The following AKAP19 variants were observed in gnomAD, a reference collection of about 807,000 sequenced individuals.
AKAP19 encodes the protein A-kinase anchoring protein 19.
chr2:190,175,896 T>C, the AKAP19 span, among the ~76,000 whole-genome samples: 1 of 152,208 alleles, frequency 6.6e-6, no homozygotes, highest in African/African-American at 2.4e-5. Context: ...TGATTAGGCC[T>C]TTGGAGCTGT....
chr2:190,039,767 G>A, the AKAP19 span, among the ~76,000 whole-genome samples: 1 of 152,166 alleles, frequency 6.6e-6, no homozygotes, highest in African/African-American at 2.4e-5. Context: ...GTGAGAACAT[G>A]TGGTATTTGC....
chr2:190,070,614 T>TCCCC, the AKAP19 span, among the ~76,000 whole-genome samples: 13 of 119,060 alleles, frequency 1.1e-4, no homozygotes, highest in African/African-American at 3.7e-4. Flanking sequence ...TCCCTCTCTC[T>TCCCC]CCCCCCCCCC....
At chr2:190,040,579 G>A in the AKAP19 span, among the ~76,000 whole-genome samples, 2 of 152,068 alleles carry the variant, frequency 1.3e-5, no homozygotes, top group East Asian at 1.9e-4. Flanking sequence ...GAAAATCTTT[G>A]CCATGAAATC....
chr2:190,143,929 C>T, the AKAP19 span, among the ~76,000 whole-genome samples: 51 of 145,216 alleles, frequency 3.5e-4, no homozygotes, highest in African/African-American at 1.2e-3. Flanking sequence ...GAACAAAAAA[C>T]CAAACACCGC....
the AKAP19 span, among the ~76,000 whole-genome samples, chr2:190,108,208 T>A: frequency 3.3e-5 from 5 of 152,212 alleles, no homozygotes; most frequent in Non-Finnish European, 7.3e-5. Flanking sequence ...CAGGCTGGAG[T>A]GCAATGGTGC....
At chr2:190,038,941 T>C in the AKAP19 span, among the ~76,000 whole-genome samples, 4,720 of 143,792 alleles carry the variant, frequency 0.033, 378 homozygotes, top group African/African-American at 0.13. Context: ...CTTCTTCTTC[T>C]TCTTCTTCTT....
chr2:190,005,399 A>G, the AKAP19 span, among the ~76,000 whole-genome samples: 2 of 152,158 alleles, frequency 1.3e-5, no homozygotes, highest in African/African-American at 4.8e-5. Flanking sequence ...TCCTTTAGCT[A>G]GACACAGAGT....
At chr2:189,984,510 A>G in the AKAP19 span, among the ~76,000 whole-genome samples, 1 of 151,974 alleles carries the variant, frequency 6.6e-6, no homozygotes, top group Non-Finnish European at 1.5e-5. Flanking sequence ...CAGATTTCAT[A>G]ATGCACAAAC....
the AKAP19 span, among the ~76,000 whole-genome samples, chr2:189,942,003 G>A: frequency 9.2e-5 from 14 of 152,156 alleles, no homozygotes; most frequent in Non-Finnish European, 1.6e-4. Flanking sequence ...CCAAAAAAGA[G>A]CAGGGGGAGC....
chr2:190,145,270 G>A, the AKAP19 span, among the ~76,000 whole-genome samples: 1 of 152,188 alleles, frequency 6.6e-6, no homozygotes, highest in Admixed American at 6.5e-5. Flanking sequence ...TTGTTCCAGA[G>A]ATGTTTCCAA....
the AKAP19 span, among the ~76,000 whole-genome samples, chr2:189,900,451 C>G: frequency 4.6e-5 from 7 of 152,058 alleles, no homozygotes; most frequent in African/African-American, 1.7e-4. Flanking sequence ...CCAACACAAG[C>G]TATCTTTGCT....
At chr2:190,106,479 C>T in the AKAP19 span, among the ~76,000 whole-genome samples, 65 of 152,162 alleles carry the variant, frequency 4.3e-4, no homozygotes, top group African/African-American at 1.5e-3. Context: ...GTTCGTTTGC[C>T]CTATCCTACC....
the AKAP19 span, among the ~76,000 whole-genome samples, chr2:190,131,887 C>T: frequency 0.14 from 21,584 of 152,022 alleles, 1,740 homozygotes; most frequent in Middle Eastern, 0.19. Context: ...GAAAAACACT[C>T]GGGTTTTTCT....
chr2:190,018,199 T>C, the AKAP19 span, among the ~76,000 whole-genome samples: 2 of 152,190 alleles, frequency 1.3e-5, no homozygotes, highest in Non-Finnish European at 2.9e-5. Context: ...TTTCCCCAGA[T>C]ATAGGAAGTC....
the AKAP19 span, among the ~76,000 whole-genome samples, chr2:189,992,163 C>T: frequency 6.6e-6 from 1 of 151,148 alleles, no homozygotes; most frequent in Non-Finnish European, 1.5e-5. Context: ...TCAAGCAATT[C>T]TCCTGTCTCA....
At chr2:190,167,766 G>C in the AKAP19 span, among the ~76,000 whole-genome samples, 5 of 152,228 alleles carry the variant, frequency 3.3e-5, no homozygotes, top group Admixed American at 3.3e-4. Context: ...TCCAGGTCAT[G>C]CTAATGCAAG....
the AKAP19 span, among the ~76,000 whole-genome samples, chr2:189,901,999 T>A: frequency 6.6e-6 from 1 of 152,122 alleles, no homozygotes; most frequent in Non-Finnish European, 1.5e-5. Context: ...GCCTAGGGTA[T>A]ATGCTCAGTA....
chr2:189,967,137 A>C, the AKAP19 span, among the ~76,000 whole-genome samples: 1 of 152,212 alleles, frequency 6.6e-6, no homozygotes, highest in Non-Finnish European at 1.5e-5. Flanking sequence ...TTTATTTATA[A>C]GCTATCTCCA....
the AKAP19 span, among the ~76,000 whole-genome samples, chr2:190,116,031 C>T: frequency 1.3e-5 from 2 of 152,216 alleles, no homozygotes; most frequent in African/African-American, 4.8e-5. Flanking sequence ...TCTACGCAAA[C>T]CTGCAAGCCC....
Sources: allele counts gnomAD v4.1 joint callset (sites outside exome capture counted in the v4.1 genomes callset), GRCh38; gene constraint gnomAD v4.1.1; transcripts MANE v1.5; gene names NCBI Gene and HGNC (gene_info 2026-07-23, HGNC 2026-07-21).